ENDOG: variants seen among roughly 807,000 people sequenced by gnomAD.
ENDOG encodes endonuclease G.
Under a neutral mutation model 22.6 loss-of-function variants are expected in ENDOG, and 22 were observed. That is an observed-to-expected ratio of 0.97 (90% CI 0.70 to 1.39). The LOEUF (loss-of-function observed/expected upper bound fraction) is 1.39. Ranked by LOEUF, ENDOG falls within the 40% of genes most tolerant of loss-of-function variation. ENDOG has a pLI of 0.00. For missense variants in ENDOG, 403 were observed against 431.3 expected (o/e 0.93, Z 0.58); for synonymous variants, 173 against 200.2 (o/e 0.86, Z 1.15).
Position 128,818,947 on chromosome 9 carries a change from G to T in ENDOG, c.263G>T (p.Arg88Leu), listed in dbSNP as rs746520947. 3.2e-5 allele frequency: 47 copies of T among 1,491,726 alleles called. No individual in the cohort carries two copies. The highest frequency in any genetic ancestry group is 3.5e-5 in the Non-Finnish European group (40 of 1,128,902). The allele number at this position is 1,491,726 out of a possible 1,614,324, so 92.4% of individuals were successfully genotyped here. A position where few individuals can be genotyped will look rare whatever the true frequency, so the allele number is the denominator to read the frequency against. ...RESYVLCYDP[R>L]TRGALWVVEQ... ...TCGTACGTGCTGTGCTACGACCCGC[G>T]CACCCGCGGCGCGCTCTGGGTGGTG... The change falls in exon 1 of 3, where the codon CGC (arginine) becomes CTC (leucine). Residue 88 changes from arginine (R) to leucine (L), a missense_variant. Physicochemically the swap from Arg to Leu is moderately radical, Grantham distance 102. Coordinates refer to ENST00000372642, the MANE Select transcript of ENDOG (RefSeq NM_004435.2).
At chr9:128,820,605 G>A (rs1830090711) in intron 1 of ENDOG, 134 bp from the exon 2 acceptor site, 2 of 718,290 alleles carry the variant, frequency 2.8e-6, no homozygotes, top group East Asian at 2.7e-5. Flanking sequence ...TTCATTCCTT[G>A]AGCCTCAGTT....
At position 128,822,462 on chromosome 9, in the gene ENDOG, T is replaced by C. The variant is rs1159737508; in HGVS notation, c.746T>C (p.Met249Thr). ...CAAATTGAGCTCCGCACCTACGTGA[T>C]GCCCAACGCACCTGTGGATGAGGCC... ...GGQIELRTYVMPNAPVDEAIP... is the reference protein window; with the variant it reads ...GGQIELRTYVTPNAPVDEAIP... The change falls in exon 3 of 3, where the codon ATG becomes ACG. Residue 249 changes from methionine (M) to threonine (T), a missense_variant. By Grantham distance (81) the Met-to-Thr change is moderately conservative. Transcript: ENST00000372642. The C allele has an allele frequency of 6.3e-7, 1 of 1,577,076 alleles. No individual in the cohort carries two copies. Among genetic ancestry groups the C allele is most frequent in the Non-Finnish European group, 8.6e-7 (1 of 1,161,158 alleles).
Position 128,819,153 on chromosome 9 carries a change from G to A in ENDOG, c.469G>A (p.Asp157Asn), listed in dbSNP as rs1250570714. The change falls in exon 1 of 3, where the codon GAC (aspartate) becomes AAC (asparagine). Residue 157 changes from aspartate (D) to asparagine (N), a missense_variant. Asp to Asn is a conservative substitution (Grantham distance 23, BLOSUM62 1). Coordinates refer to ENST00000372642, the MANE Select transcript of ENDOG (RefSeq NM_004435.2). ...CCGCTGGAGCCAGAAGGCCATGGAC[G>A]ACACGTTCTACCTGAGCAACGTCGC... ...NHRWSQKAMD[D>N]TFYLSNVAPQ... is the part of the protein sequence containing the mutation. 1.8e-5 allele frequency: 27 copies of A among 1,517,186 alleles called. No homozygotes were observed. Among genetic ancestry groups the A allele is most frequent in the African/African-American group, 2.9e-5 (2 of 68,984 alleles). The allele number at this position is 1,517,186 out of a possible 1,614,324, so 94.0% of individuals were successfully genotyped here. A position where few individuals can be genotyped will look rare whatever the true frequency, so the allele number is the denominator to read the frequency against.
chr9:128,820,877 A>G (rs1289377566), intron 2 of ENDOG, 29 bp downstream of exon 2: 1 of 1,575,332 alleles, frequency 6.3e-7, no homozygotes, highest in East Asian at 2.3e-5. Flanking sequence ...GGGCGGCAGA[A>G]CCTCCCACTC....
At chr9:128,820,427 G>C (rs1349836455) in intron 1 of ENDOG, 1 of 320,512 alleles carries the variant, frequency 3.1e-6, no homozygotes, top group Non-Finnish European at 5.8e-6. Flanking sequence ...CTTCCCAGGA[G>C]ACCCTGGGTG....
rs1236936941 is a variant in ENDOG at position 128,819,125 on chromosome 9, C to T, written c.441C>T (p.Asn147=). 2 of 1,520,150 alleles carry T rather than the reference C, an allele frequency of 1.3e-6. No individual in the cohort carries two copies. The highest frequency in any genetic ancestry group is 1.2e-5 in the South Asian group (1 of 82,488). 94.2% of individuals were successfully genotyped at this position (1,520,150 alleles called of 1,614,324 possible). A position where few individuals can be genotyped will look rare whatever the true frequency, so the allele number is the denominator to read the frequency against. ...GCGGTCACCTGGCCGCCGCCGCCAA[C>T]CACCGCTGGAGCCAGAAGGCCATGG... ...FDRGHLAAAA[N]HRWSQKAMDD... Residue 147 remains asparagine, a synonymous_variant, in exon 1 of 3, where the codon AAC becomes AAT. Coordinates refer to ENST00000372642, the MANE Select transcript of ENDOG (RefSeq NM_004435.2).
rs1195550878 is a variant in ENDOG, at chr9:128,821,047, A to G, written c.611+199A>G. On this transcript the variant is annotated intron_variant, in intron 2 of 2. Transcript: ENST00000372642. ...GCCAAAGACCTGTCGGGTACCCCTG[A>G]CCATCTCTCCTCTGCCCATGGGCAG... The G allele has an allele frequency of 1.0e-5, 6 of 591,154 alleles. No individual in the cohort carries two copies. The East Asian group carries it at 1.7e-4, about 17-fold the overall frequency. 36.6% of individuals were successfully genotyped at this position (591,154 alleles called of 1,614,324 possible). A position where few individuals can be genotyped will look rare whatever the true frequency, so the allele number is the denominator to read the frequency against.
At chr9:128,821,298 G>A (rs1424786487) in intron 2 of ENDOG, 1 of 192,718 alleles carries the variant, frequency 5.2e-6, no homozygotes, top group Non-Finnish European at 1.1e-5. Context: ...GGTGCACCGA[G>A]CTCTCCCGCC....
chr9:128,819,279 C>A, intron 1 of ENDOG, 94 bp downstream of exon 1: 2 of 1,368,934 alleles, frequency 1.5e-6, no homozygotes, highest in Non-Finnish European at 1.9e-6. Context: ...GGGGCAGCTG[C>A]CCAACGCGCC....
rs1186005876 is a variant in ENDOG, at chr9:128,822,253, G to A, written c.612-75G>A. 2.6e-6 allele frequency: 4 copies of A among 1,549,080 alleles called. No individual in the cohort carries two copies. In the East Asian group the frequency reaches 6.8e-5, roughly 26 times the overall value. On this transcript the variant is annotated intron_variant, in intron 2 of 2. Coordinates refer to ENST00000372642, the MANE Select transcript of ENDOG (RefSeq NM_004435.2). Reference sequence around the variant, plus strand: ...TTGACAGAAGTTAGAGGACAGATCAGGGAAGGCTGCCTGGAAGAGGTGGCT... The same window carrying A: ...TTGACAGAAGTTAGAGGACAGATCAAGGAAGGCTGCCTGGAAGAGGTGGCT...
At chr9:128,821,118 T>G in intron 2 of ENDOG, 1 of 500,334 alleles carries the variant, frequency 2.0e-6, no homozygotes, top group Non-Finnish European at 3.6e-6. Flanking sequence ...TGTCACCTCT[T>G]GGCATGCCCA....
In ENDOG at chr9:128,818,978, G is replaced by T; in HGVS notation, c.294G>T (p.Gln98His). 6.7e-7 allele frequency: 1 copy of T among 1,491,568 alleles called. No individual in the cohort carries two copies. The highest frequency in any genetic ancestry group is 8.9e-7 in the Non-Finnish European group (1 of 1,128,648). The allele number at this position is 1,491,568 out of a possible 1,614,324, so 92.4% of individuals were successfully genotyped here. ...GCGGCGCGCTCTGGGTGGTGGAGCAGCTGCGACCCGAGCGTCTCCGCGGCG... is the reference window on the plus strand; with the variant it reads ...GCGGCGCGCTCTGGGTGGTGGAGCATCTGCGACCCGAGCGTCTCCGCGGCG... ...RTRGALWVVE[Q>H]LRPERLRGDG... Residue 98 changes from glutamine to histidine, a missense_variant, in exon 1 of 3, where the codon CAG becomes CAT. By Grantham distance (24) the Gln-to-His change is conservative (BLOSUM62 0). Coordinates refer to ENST00000372642, the MANE Select transcript of ENDOG (RefSeq NM_004435.2).
In ENDOG at chr9:128,819,198, C is replaced by G; in HGVS notation, c.501+13C>G. 3 of 1,455,122 alleles carry G rather than the reference C, an allele frequency of 2.1e-6. No individual in the cohort carries two copies. The highest frequency in any genetic ancestry group is 2.7e-6 in the Non-Finnish European group (3 of 1,111,110). The allele number at this position is 1,455,122 out of a possible 1,614,324, so 90.1% of individuals were successfully genotyped here. On this transcript the variant is annotated intron_variant, in intron 1 of 2. Transcript: ENST00000372642. ...CGTCGCGCCCCAGGTAGCGCCCGCG[C>G]CCCGGGCCGGTCGCGGAATGCGGGG...
At chr9:128,819,589 G>C in intron 1 of ENDOG, 1 of 191,338 alleles carries the variant, frequency 5.2e-6, no homozygotes, top group African/African-American at 2.3e-5. Flanking sequence ...GTGCGGTTTC[G>C]TGGAAGACAG....
chr9:128,820,868 G>T lies in ENDOG; in HGVS notation c.611+20G>T, dbSNP rs753325227. 2 of 1,588,028 alleles carry T rather than the reference G, an allele frequency of 1.3e-6. No homozygotes were observed. Among genetic ancestry groups the T allele is most frequent in the African/African-American group, 1.3e-5 (1 of 74,568 alleles). ...GCCCAGGTAAGGTGGAAACCAGGGG[G>T]GCGGCAGAACCTCCCACTCACCTGA... On this transcript the variant is annotated intron_variant, in intron 2 of 2. Transcript: ENST00000372642.
Position 128,818,814 on chromosome 9 carries a change from C to T in ENDOG, c.130C>T (p.Pro44Ser). The change falls in exon 1 of 3, where the codon CCC becomes TCC. Residue 44 changes from proline (P) to serine (S), a missense_variant. By Grantham distance (74) the Pro-to-Ser change is moderately conservative. Coordinates refer to ENST00000372642, the MANE Select transcript of ENDOG (RefSeq NM_004435.2). Reference sequence around the variant, plus strand: ...ACTGCTGGGCCGGCTGCCCGTGCTGCCCGTGGCGGCGGCAGCCGAGTTGCC... The same window carrying T: ...ACTGCTGGGCCGGCTGCCCGTGCTGTCCGTGGCGGCGGCAGCCGAGTTGCC... Reference protein sequence around the residue: ...PGLLGRLPVLPVAAAAELPPV... With the variant: ...PGLLGRLPVLSVAAAAELPPV... The T allele has an allele frequency of 7.8e-7, 1 of 1,289,386 alleles. No individual in the cohort carries two copies. Among genetic ancestry groups the T allele is most frequent in the Non-Finnish European group, 9.8e-7 (1 of 1,019,874 alleles). 79.9% of individuals were successfully genotyped at this position (1,289,386 alleles called of 1,614,324 possible).
At position 128,822,637 on chromosome 9, in the gene ENDOG, G is replaced by A. The variant is rs769560159; in HGVS notation, c.*27G>A. 3.5e-5 allele frequency: 55 copies of A among 1,560,504 alleles called. No individual in the cohort carries two copies. In the Admixed American group the frequency reaches 5.4e-4, roughly 15 times the overall value. On this transcript the variant is annotated 3_prime_UTR_variant, in exon 3 of 3. Transcript: ENST00000372642. ...GGTGGAGCCCAGTGAGACTGTGGGT[G>A]TGTGCAGGCCGGGGAGTATTAAAGG...
intron 1 of ENDOG, chr9:128,820,519 C>CT (rs1226139414): frequency 1.1e-5 from 6 of 555,446 alleles, no homozygotes; most frequent in Admixed American, 6.2e-5. Flanking sequence ...TGAGAAAAGA[C>CT]TTTGACACCT....
chr9:128,820,593 C>T, intron 1 of ENDOG, 146 bp from the exon 2 acceptor site: 1 of 682,446 alleles, frequency 1.5e-6, no homozygotes, highest in Non-Finnish European at 2.6e-6. Flanking sequence ...CAGGGAGTGA[C>T]TTTCATTCCT....
Sources: allele counts gnomAD v4.1 joint callset, GRCh38; gene constraint gnomAD v4.1.1; transcripts MANE v1.5; gene names NCBI Gene and HGNC (gene_info 2026-07-23, HGNC 2026-07-21).